RBFOX1: variants seen among roughly 807,000 people sequenced by gnomAD.
RBFOX1 encodes the protein RNA binding fox-1 homolog 1.
Under a neutral mutation model 57.7 loss-of-function variants are expected in RBFOX1, and 8 were observed. That is an observed-to-expected ratio of 0.14 (90% CI 0.08 to 0.25). RBFOX1 has a LOEUF of 0.25. RBFOX1 is among the 10% of genes least tolerant of loss of function. RBFOX1 has a pLI of 1.00. For missense variants in RBFOX1, 611 were observed against 548.5 expected, an observed-to-expected ratio of 1.11 and a Z score of -1.14; for synonymous variants, 326 against 222.4, an observed-to-expected ratio of 1.47 and a Z score of -4.15.
rs554642065 is a variant in RBFOX1 at position 6,266,612 on chromosome 16, GC to G, written c.-126-50382del. Among the ~76,000 whole-genome samples the G allele has an allele frequency of 9.9e-5, 15 of 152,094 alleles. No homozygotes were observed. The East Asian group carries it at 2.9e-3, about 30-fold the overall frequency. On this transcript the variant is annotated intron_variant, in intron 1 of 15. Transcript: ENST00000550418. ...GCCTGTAATCCCAGCTACTCAGGGGGCTGAGGCAGGAGAGTCCCTTGAACCC... is the reference window on the plus strand; with the variant it reads ...GCCTGTAATCCCAGCTACTCAGGGGGTGAGGCAGGAGAGTCCCTTGAACCC...
chr16:7,178,181 G>A (rs553193437), intron 4 of RBFOX1, among the ~76,000 whole-genome samples: 1 of 152,218 alleles, frequency 6.6e-6, no homozygotes, highest in Admixed American at 6.5e-5. Flanking sequence ...CTCATGCAAA[G>A]CCCACCATGG....
intron 4 of RBFOX1, among the ~76,000 whole-genome samples, chr16:7,371,925 G>A (rs570833889): frequency 6.6e-6 from 1 of 152,134 alleles, no homozygotes; most frequent in Non-Finnish European, 1.5e-5. Flanking sequence ...TTCTACACTA[G>A]GTGGCTGTGA....
intron 3 of RBFOX1, among the ~76,000 whole-genome samples, chr16:6,934,465 G>C (rs1169830138): frequency 6.6e-6 from 1 of 152,142 alleles, no homozygotes; most frequent in African/African-American, 2.4e-5. Context: ...CCAAGACATG[G>C]AATCAACCTA....
At chr16:6,907,876 C>T (rs530810048) in intron 3 of RBFOX1, among the ~76,000 whole-genome samples, 2 of 151,750 alleles carry the variant, frequency 1.3e-5, no homozygotes, top group East Asian at 1.9e-4. Flanking sequence ...GCCCGGCCAG[C>T]TTCTGTGGTT....
At chr16:5,940,763 C>G (rs2059262473) in intron 4 of RBFOX1, among the ~76,000 whole-genome samples, 1 of 152,102 alleles carries the variant, frequency 6.6e-6, no homozygotes, top group Non-Finnish European at 1.5e-5. Flanking sequence ...AAATTCTTTG[C>G]TGAGGCCACA....
rs185874277 is a variant in RBFOX1 at position 6,993,208 on chromosome 16, T to A, written c.-15-58849T>A. On this transcript the variant is annotated intron_variant, in intron 3 of 15. Coordinates refer to ENST00000550418, the MANE Select transcript of RBFOX1 (RefSeq NM_018723.4). ...ATCATTTGAGGCTGAATGGTATTGA[T>A]AGCTGTGCAATGACTTGTTGCTACT... 1.2e-3 allele frequency among the ~76,000 whole-genome samples: 178 copies of A among 151,172 alleles called. 1 individual carries two copies. The highest frequency in any genetic ancestry group is 4.3e-3 in the African/African-American group (178 of 41,218).
At chr16:6,406,503 T>C (rs993236183) in intron 2 of RBFOX1, among the ~76,000 whole-genome samples, 15 of 152,272 alleles carry the variant, frequency 9.9e-5, no homozygotes, top group African/African-American at 2.6e-4. Flanking sequence ...GAATATATAA[T>C]ACCTTTAGGG....
intron 4 of RBFOX1, among the ~76,000 whole-genome samples, chr16:7,476,603 G>C (rs2062768306): frequency 6.6e-6 from 1 of 152,162 alleles, no homozygotes; most frequent in African/African-American, 2.4e-5. Flanking sequence ...ATTCTGAAAT[G>C]AAGTCTTCGG....
chr16:7,221,033 ACTGT>A (rs1402173685), intron 4 of RBFOX1, among the ~76,000 whole-genome samples: 1 of 152,180 alleles, frequency 6.6e-6, no homozygotes, highest in African/African-American at 2.4e-5. Flanking sequence ...TATCAGATGT[ACTGT>A]CTAACTAGTA....
At chr16:6,977,937 GAAAA>G (rs1555705863) in intron 3 of RBFOX1, among the ~76,000 whole-genome samples, 2 of 79,474 alleles carry the variant, frequency 2.5e-5, no homozygotes, top group African/African-American at 4.2e-5. Context: ...CCTCCCCAGG[GAAAA>G]AAAAAAAAAA....
intron 1 of RBFOX1, among the ~76,000 whole-genome samples, chr16:6,138,985 A>G (rs1407786042): frequency 6.6e-6 from 1 of 152,210 alleles, no homozygotes; most frequent in Admixed American, 6.5e-5. Context: ...ATGTGTGAAC[A>G]TCAGGAGGCA....
chr16:7,688,663 C>G (rs912247825), intron 14 of RBFOX1, among the ~76,000 whole-genome samples: 6 of 152,058 alleles, frequency 3.9e-5, no homozygotes, highest in Non-Finnish European at 5.9e-5. Context: ...ATCCACAGGA[C>G]TAATTTAAGT....
chr16:6,545,691 G>C (rs968906334), intron 2 of RBFOX1, among the ~76,000 whole-genome samples: 4 of 152,204 alleles, frequency 2.6e-5, no homozygotes, highest in African/African-American at 9.6e-5. Context: ...ACCCATGTTA[G>C]TGGCATTGCT....
chr16:5,721,447 A>T (rs2051930607), intron 3 of RBFOX1, among the ~76,000 whole-genome samples: 1 of 152,074 alleles, frequency 6.6e-6, no homozygotes, highest in African/African-American at 2.4e-5. Flanking sequence ...TCCAAGCCGG[A>T]TGCCTTTTTT....
chr16:7,527,865 T>A (rs76289026), intron 5 of RBFOX1, among the ~76,000 whole-genome samples: 6,255 of 152,310 alleles, frequency 0.041, 192 homozygotes, highest in East Asian at 0.13. Flanking sequence ...AAATGTTTTA[T>A]CCAGGAGAAT....
intron 3 of RBFOX1, among the ~76,000 whole-genome samples, chr16:5,644,217 A>C (rs1278666530): frequency 6.6e-6 from 1 of 152,128 alleles, no homozygotes; most frequent in Non-Finnish European, 1.5e-5. Flanking sequence ...TTTTTCCTTT[A>C]AAAAAAGTAA....
At position 7,062,904 on chromosome 16, in the gene RBFOX1, T is replaced by A. The variant is rs865778813; in HGVS notation, c.27+10806T>A. Among the ~76,000 whole-genome samples the A allele has an allele frequency of 7.9e-3, 1,000 of 127,254 alleles. 32 individuals carry two copies. Among genetic ancestry groups the A allele is most frequent in the African/African-American group, 0.034 (940 of 28,030 alleles). The allele number at this position is 127,254 out of a possible 152,430, so 83.5% of individuals were successfully genotyped here. On this transcript the variant is annotated intron_variant, in intron 4 of 15. Coordinates refer to ENST00000550418, the MANE Select transcript of RBFOX1 (RefSeq NM_018723.4). Reference sequence around the variant, plus strand: ...TTCAAATGATCGCCATTTTTTTTTTTTTTTTTTTTTTTTTTTTTTTTTTTG... The same window carrying A: ...TTCAAATGATCGCCATTTTTTTTTTATTTTTTTTTTTTTTTTTTTTTTTTG...
At chr16:6,252,471 G>A (rs140875657) in intron 1 of RBFOX1, among the ~76,000 whole-genome samples, 120 of 152,266 alleles carry the variant, frequency 7.9e-4, no homozygotes, top group African/African-American at 2.8e-3. Context: ...GACTATCACT[G>A]AAAAGTAAGT....
At chr16:7,638,122 A>G (rs2062077295) in intron 11 of RBFOX1, among the ~76,000 whole-genome samples, 1 of 152,144 alleles carries the variant, frequency 6.6e-6, no homozygotes, top group Non-Finnish European at 1.5e-5. Flanking sequence ...CCCCCACTTA[A>G]GTTCTGCAAC....
Sources: gnomAD v4.1 joint callset for allele counts (sites outside exome capture counted in the v4.1 genomes callset) on GRCh38, gnomAD v4.1.1 for gene constraint, MANE v1.5 for transcripts, NCBI Gene and HGNC (gene_info 2026-07-23, HGNC 2026-07-21) for gene names.